Variants in MAD1L1 observed in about 807,000 individuals in gnomAD.
MAD1L1 encodes mitotic spindle assembly checkpoint protein MAD1.
Under a neutral mutation model 96.9 loss-of-function variants are expected in MAD1L1, and 95 were observed. The ratio of observed to expected loss-of-function variants is 0.98; its 90% CI spans 0.83 to 1.16. MAD1L1 has a LOEUF of 1.16. Ranked by LOEUF, MAD1L1 falls within the 50% of genes most tolerant of loss-of-function variation. MAD1L1 has a pLI of 0.00. For synonymous variants in MAD1L1, 473 were observed against 396.6 expected (o/e 1.19, Z -2.29); for missense variants, 1,007 against 954.4 (o/e 1.06, Z -0.73).
At chr7:2,094,501 AACAG>A (rs1428090212) in intron 11 of MAD1L1, among the ~76,000 whole-genome samples, 1 of 152,218 alleles carries the variant, frequency 6.6e-6, no homozygotes, top group East Asian at 1.9e-4. Flanking sequence ...CAAGACAGGG[AACAG>A]ACAGTCATGA....
chr7:2,082,213 G>C (rs1303611033), intron 11 of MAD1L1, among the ~76,000 whole-genome samples: 2 of 152,076 alleles, frequency 1.3e-5, no homozygotes, highest in Non-Finnish European at 2.9e-5. Flanking sequence ...GTGTGAGTGT[G>C]AGGGGGCTGT....
intron 17 of MAD1L1, among the ~76,000 whole-genome samples, chr7:1,918,480 C>T (rs925486976): frequency 6.6e-6 from 1 of 152,154 alleles, no homozygotes; most frequent in South Asian, 2.1e-4. Flanking sequence ...CCAGGAGCTC[C>T]GAGGCCCAGG....
intron 16 of MAD1L1, among the ~76,000 whole-genome samples, chr7:1,948,010 C>T (rs1041431866): frequency 3.3e-5 from 5 of 152,206 alleles, no homozygotes; most frequent in African/African-American, 1.2e-4. Flanking sequence ...GTGACCAGTG[C>T]CCGGGAGCGG....
chr7:1,985,101 C>T (rs1241179681), intron 14 of MAD1L1, among the ~76,000 whole-genome samples: 1 of 152,178 alleles, frequency 6.6e-6, no homozygotes, highest in Non-Finnish European at 1.5e-5. Flanking sequence ...TGGACAGGAC[C>T]TGGGGTACTC....
chr7:1,951,281 G>A (rs1779484380), intron 16 of MAD1L1, among the ~76,000 whole-genome samples: 1 of 152,244 alleles, frequency 6.6e-6, no homozygotes, highest in Non-Finnish European at 1.5e-5. Context: ...GGACCAGCTG[G>A]TGGATGAAGG....
chr7:2,123,027 G>A (rs1446369123), intron 11 of MAD1L1, among the ~76,000 whole-genome samples: 1 of 149,564 alleles, frequency 6.7e-6, no homozygotes, highest in Non-Finnish European at 1.5e-5. Context: ...AGGGGAGCCG[G>A]GCGCAGTGGC....
chr7:2,030,616 C>T lies in MAD1L1; in HGVS notation c.1219-15974G>A, dbSNP rs191004643. Among the ~76,000 whole-genome samples the T allele has an allele frequency of 4.0e-4, 61 of 152,330 alleles. No individual in the cohort carries two copies. In the Middle Eastern group the frequency reaches 0.02, roughly 51 times the overall value. On this transcript the variant is annotated intron_variant, in intron 12 of 18. Transcript: ENST00000265854. ...CGCAGGAGTGGAACCTGCCCATCTG[C>T]GCTTGACGAAAATGCCTCCAAAACA...
At chr7:2,048,709 C>T (rs770512181) in intron 12 of MAD1L1, among the ~76,000 whole-genome samples, 4 of 152,226 alleles carry the variant, frequency 2.6e-5, no homozygotes, top group South Asian at 4.1e-4. Context: ...TGCAGAAAAC[C>T]GCACTCAGCT....
chr7:2,044,705 C>A (rs1462967047), intron 12 of MAD1L1, among the ~76,000 whole-genome samples: 1 of 152,162 alleles, frequency 6.6e-6, no homozygotes, highest in African/African-American at 2.4e-5. Context: ...TCAGCACAGC[C>A]CACGTGTTTC....
intron 12 of MAD1L1, among the ~76,000 whole-genome samples, chr7:2,068,108 C>T (rs1005144471): frequency 3.3e-5 from 5 of 152,340 alleles, no homozygotes; most frequent in Admixed American, 1.3e-4. Flanking sequence ...CAGACAGCTC[C>T]GGCTGAAAAG....
At chr7:2,160,432 A>C (rs1790049723) in intron 10 of MAD1L1, among the ~76,000 whole-genome samples, 1 of 147,060 alleles carries the variant, frequency 6.8e-6, no homozygotes, top group South Asian at 2.1e-4. Flanking sequence ...TCCTGGGTTC[A>C]CACCATTCTC....
chr7:1,885,450 C>G (rs773741518), intron 18 of MAD1L1, among the ~76,000 whole-genome samples: 9 of 151,542 alleles, frequency 5.9e-5, no homozygotes, highest in Non-Finnish European at 1.2e-4. Flanking sequence ...CCAGTGCACT[C>G]AGACAGGAGA....
chr7:1,823,234 G>A (rs866163712), intron 18 of MAD1L1, among the ~76,000 whole-genome samples: 1 of 152,036 alleles, frequency 6.6e-6, no homozygotes, highest in Non-Finnish European at 1.5e-5. Context: ...TTTTTTGACC[G>A]AAACCTCACA....
intron 18 of MAD1L1, among the ~76,000 whole-genome samples, chr7:1,873,531 G>A (rs1347919725): frequency 6.6e-6 from 1 of 151,906 alleles, no homozygotes; most frequent in Non-Finnish European, 1.5e-5. Context: ...AGGGGTACGG[G>A]CAAAGCACCT....
chr7:1,857,881 G>A (rs564169304), intron 18 of MAD1L1, among the ~76,000 whole-genome samples: 3 of 152,288 alleles, frequency 2.0e-5, no homozygotes, highest in African/African-American at 7.2e-5. Context: ...TCCAGGCTGG[G>A]GGCCCAGGGA....
At chr7:1,987,053 C>A (rs149274059) in intron 14 of MAD1L1, among the ~76,000 whole-genome samples, 36 of 151,322 alleles carry the variant, frequency 2.4e-4, no homozygotes, top group African/African-American at 8.7e-4. Context: ...CTGTGGGCCA[C>A]CTTCCACCTA....
chr7:1,906,470 A>G (rs4618595), intron 17 of MAD1L1, among the ~76,000 whole-genome samples: 106,705 of 152,130 alleles, frequency 0.7, 38,117 homozygotes, highest in African/African-American at 0.84. Flanking sequence ...GCCCTGAGCC[A>G]CCCTCCCTTT....
chr7:2,225,214 G>T (rs555502012), intron 4 of MAD1L1, among the ~76,000 whole-genome samples, 196 bp downstream of exon 4: 75 of 146,142 alleles, frequency 5.1e-4, no homozygotes, highest in African/African-American at 2.0e-3. Context: ...CATTTCCTAC[G>T]GCCTGGCAGG....
chr7:2,001,788 C>A (rs1404233966), intron 14 of MAD1L1, among the ~76,000 whole-genome samples: 1 of 152,188 alleles, frequency 6.6e-6, no homozygotes, highest in Non-Finnish European at 1.5e-5. Context: ...GCCCCGACAC[C>A]GTGGCCTCAT....
Sources: gnomAD v4.1 joint callset for allele counts (sites outside exome capture counted in the v4.1 genomes callset) on GRCh38, gnomAD v4.1.1 for gene constraint, MANE v1.5 for transcripts, NCBI Gene and HGNC (gene_info 2026-07-23, HGNC 2026-07-21) for gene names.